ZP2: variants seen among roughly 807,000 people sequenced by gnomAD.
ZP2 encodes the protein zona pellucida glycoprotein 2.
ZP2 carries 51 observed loss-of-function variants against 84.0 expected under a neutral mutation model. The ratio of observed to expected loss-of-function variants is 0.61; its 90% confidence interval spans 0.49 to 0.77. ZP2 has a LOEUF of 0.77. Ranked by LOEUF, ZP2 falls within the 30% of genes least tolerant of loss-of-function variation. ZP2 has a pLI of 0.00. For synonymous variants in ZP2, 375 were observed against 330.9 expected (o/e 1.13, Z -1.45); for missense variants, 909 against 911.9 (o/e 1.00, Z 0.04).
At chr16:21,210,878 T>C (rs77246757) in intron 2 of ZP2, among the ~76,000 whole-genome samples, 1 of 92,094 alleles carries the variant, frequency 1.1e-5, no homozygotes, top group Admixed American at 1.1e-4. Context: ...CCTGGCTGCA[T>C]TTTTTTTTTT....
intron 4 of ZP2, among the ~76,000 whole-genome samples, chr16:21,209,176 C>A (rs372405709): frequency 6.6e-6 from 1 of 152,138 alleles, no homozygotes; most frequent in Admixed American, 6.5e-5. Flanking sequence ...AGATTCCCCC[C>A]ACCCTCCTCC....
Position 21,201,371 on chromosome 16 carries a change from A to C in ZP2, c.1692T>G (p.Asp564Glu). The change falls in exon 14 of 19, where the codon GAT (aspartate) becomes GAG (glutamate). Residue 564 changes from aspartate to glutamate, a missense_variant and splice_region_variant. Transcript: ENST00000574091. ...DSFPQWNVVV[D>E]GCAYDLDNYQ... ...CTGATAGTACAGGGAGTACCTACCCATCCACGACAACGTTCCACTGGGGGA... is the reference window on the plus strand; with the variant it reads ...CTGATAGTACAGGGAGTACCTACCCCTCCACGACAACGTTCCACTGGGGGA... 1 of 1,568,680 alleles carries C rather than the reference A, an allele frequency of 6.4e-7. No homozygotes were observed. The highest frequency in any genetic ancestry group is 1.2e-5 in the South Asian group (1 of 82,670).
chr16:21,202,780 C>G (rs377386957), intron 10 of ZP2, among the ~76,000 whole-genome samples: 1 of 151,608 alleles, frequency 6.6e-6, no homozygotes, highest in East Asian at 1.9e-4. Flanking sequence ...GATATTCACT[C>G]TATTTAAGAA....
At chr16:21,204,466 G>T in intron 7 of ZP2, 62 bp from the exon 8 acceptor site, 1 of 1,375,874 alleles carries the variant, frequency 7.3e-7, no homozygotes, top group Non-Finnish European at 1.0e-6. Flanking sequence ...TAACCAGTAA[G>T]AATCATCTTG....
chr16:21,203,100 C>T, intron 10 of ZP2, 25 bp downstream of exon 10: 2 of 1,606,214 alleles, frequency 1.2e-6, no homozygotes, highest in Non-Finnish European at 1.7e-6. Context: ...AAAGGTAGAA[C>T]ATGATTTTAA....
In ZP2 at chr16:21,202,088, A is replaced by G. The variant is rs780731880; in HGVS notation, c.1287+16T>C. 1.2e-6 allele frequency: 2 copies of G among 1,613,348 alleles called. No individual in the cohort carries two copies. Among genetic ancestry groups the G allele is most frequent in the Non-Finnish European group, 8.5e-7 (1 of 1,179,388 alleles). ...CAAAGATGAGACTTAACCTCGTGCCATCTGCCAGTACTAACCTTATATCTC... is the reference window on the plus strand; with the variant it reads ...CAAAGATGAGACTTAACCTCGTGCCGTCTGCCAGTACTAACCTTATATCTC... On this transcript the variant is annotated intron_variant, in intron 11 of 18. Coordinates refer to ENST00000574091, the MANE Select transcript of ZP2 (RefSeq NM_001376232.1).
rs145538948 is a variant in ZP2, at chr16:21,210,122, A to T, written c.222T>A (p.His74Gln). The change falls in exon 3 of 19, where the codon CAT (histidine) becomes CAA (glutamine). Residue 74 changes from histidine (H) to glutamine (Q), a missense_variant. Transcript: ENST00000574091. ...FPSSPGTKKW[H>Q]ASVVDPLGLD... ...CACGTTACCTACCCACCACAGATGCATGCCATTTCTTGGTGCCAGGACTGC... is the reference window on the plus strand; with the variant it reads ...CACGTTACCTACCCACCACAGATGCTTGCCATTTCTTGGTGCCAGGACTGC... 4.0e-4 allele frequency: 641 copies of T among 1,614,044 alleles called. 5 individuals are homozygous for T. The African/African-American group carries it at 6.7e-3, about 17-fold the overall frequency.
chr16:21,203,951 C>T, intron 9 of ZP2, 79 bp downstream of exon 9: 1 of 1,521,736 alleles, frequency 6.6e-7, no homozygotes, highest in Admixed American at 1.7e-5. Context: ...GGCAAGTTAT[C>T]AGCCGTATGA....
chr16:21,211,644 G>A (rs140226530), upstream of ZP2: 3 of 1,603,938 alleles, frequency 1.9e-6, no homozygotes, highest in Non-Finnish European at 1.7e-6. Flanking sequence ...CCCCATTGGG[G>A]GCACCTGAAT....
In ZP2 at chr16:21,209,367, C is replaced by T. The variant is rs980738189; in HGVS notation, c.330+264G>A. Among the ~76,000 whole-genome samples the T allele has an allele frequency of 2.0e-5, 3 of 152,160 alleles. No individual in the cohort carries two copies. The East Asian group carries it at 5.8e-4, about 29-fold the overall frequency. On this transcript the variant is annotated intron_variant, in intron 4 of 18. Transcript: ENST00000574091. ...TATTTTTAGTAGGGATGGGGTTTCA[C>T]CATGTTGGCCAGGCTGGTCTCAAAC...
Position 21,202,043 on chromosome 16 carries a change from G to C in ZP2, c.1288-20C>G, listed in dbSNP as rs1217575447. On this transcript the variant is annotated intron_variant, in intron 11 of 18. Coordinates refer to ENST00000574091, the MANE Select transcript of ZP2 (RefSeq NM_001376232.1). Reference sequence around the variant, plus strand: ...TTCGAACTTAAATGTCAGAGAAAGTGGGTTAGCAGCCAGTTATGTCAAAGA... The same window carrying C: ...TTCGAACTTAAATGTCAGAGAAAGTCGGTTAGCAGCCAGTTATGTCAAAGA... 6.2e-7 allele frequency: 1 copy of C among 1,613,682 alleles called. No homozygotes were observed. Among genetic ancestry groups the C allele is most frequent in the South Asian group, 1.1e-5 (1 of 91,026 alleles).
intron 6 of ZP2, 45 bp from the exon 7 acceptor site, chr16:21,205,629 C>A: frequency 6.2e-7 from 1 of 1,612,804 alleles, no homozygotes; most frequent in South Asian, 1.1e-5. Context: ...CTCCCTTAAC[C>A]AAGTCTCTGG....
upstream of ZP2, chr16:21,211,788 C>G: frequency 7.0e-7 from 1 of 1,434,050 alleles, no homozygotes; most frequent in Non-Finnish European, 9.1e-7. Flanking sequence ...GAAATCAGCT[C>G]CAGGTGAGTG....
At position 21,201,422 on chromosome 16, in the gene ZP2, C is replaced by T. The variant is rs141607027; in HGVS notation, c.1641G>A (p.Ala547=). 1.2e-5 allele frequency: 19 copies of T among 1,608,718 alleles called. No individual in the cohort carries two copies. The highest frequency in any genetic ancestry group is 3.4e-5 in the Admixed American group (2 of 59,232). ...AAGAGTCTGGATCCATGGTGGACGTCGCCCAGCAGTCATCTAAGACCAGCT... is the reference window on the plus strand; with the variant it reads ...AAGAGTCTGGATCCATGGTGGACGTTGCCCAGCAGTCATCTAAGACCAGCT... The part of the protein sequence containing the change: ...NIKLVLDDCW[A]TSTMDPDSFP... Residue 547 remains alanine (A), a synonymous_variant, in exon 14 of 19, where the codon GCG becomes GCA. Coordinates refer to ENST00000574091, the MANE Select transcript of ZP2 (RefSeq NM_001376232.1).
chr16:21,206,272 C>T (rs2093249240), intron 5 of ZP2, among the ~76,000 whole-genome samples: 1 of 152,230 alleles, frequency 6.6e-6, no homozygotes, highest in Non-Finnish European at 1.5e-5. Flanking sequence ...GCTGGGATTA[C>T]AGGCATGAGC....
chr16:21,201,733 A>G lies in ZP2; in HGVS notation c.1477T>C (p.Phe493Leu). The G allele has an allele frequency of 1.2e-6, 2 of 1,614,092 alleles. No individual in the cohort carries two copies. The highest frequency in any genetic ancestry group is 1.3e-5 in the African/African-American group (1 of 75,036). ...PPVASVKLGP[F>L]TLILQSYPDN... ...GGGTAGCTTTGCAGGATCAAGGTAA[A>G]TGGACCCAACTTCACTGAGGCCACT... The change falls in exon 13 of 19, where the codon TTT becomes CTT. Residue 493 changes from phenylalanine (F) to leucine (L), a missense_variant. Physicochemically the swap from Phe to Leu is conservative, Grantham distance 22. Transcript: ENST00000574091.
At chr16:21,207,220 T>G (rs904858750) in intron 4 of ZP2, among the ~76,000 whole-genome samples, 5 of 152,166 alleles carry the variant, frequency 3.3e-5, no homozygotes, top group African/African-American at 1.2e-4. Flanking sequence ...CAGTTTCTAT[T>G]TCTCTTATGT....
intron 5 of ZP2, 169 bp from the exon 6 acceptor site, chr16:21,205,944 C>T (rs911471505): frequency 6.1e-6 from 4 of 651,346 alleles, no homozygotes. Context: ...CTTCTTTGAA[C>T]TTCTGATCCC....
At chr16:21,207,635 AACACACACACACAC>A (rs10530241) in intron 4 of ZP2, among the ~76,000 whole-genome samples, 25,589 of 143,598 alleles carry the variant, frequency 0.18, 2,729 homozygotes, top group East Asian at 0.4. Context: ...ATATATATTA[AACACACACACACAC>A]ACACACACAC....
Sources: allele counts gnomAD v4.1 joint callset (sites outside exome capture counted in the v4.1 genomes callset), GRCh38; gene constraint gnomAD v4.1.1; transcripts MANE v1.5; gene names NCBI Gene and HGNC (gene_info 2026-07-23, HGNC 2026-07-21).